SHB: variants seen among roughly 807,000 people sequenced by gnomAD.
SHB encodes SH2 domain containing adaptor protein B, also known as SH2 domain-containing adapter protein B.
Under a neutral mutation model 52.3 loss-of-function variants are expected in SHB, and 20 were observed. The observed-to-expected ratio is 0.38, with a 90% CI of 0.27 to 0.56. The LOEUF is 0.56. Ranked by LOEUF, SHB falls within the 20% of genes least tolerant of loss-of-function variation. The pLI, the probability that SHB is intolerant of heterozygous loss-of-function variation, is 0.71. For missense variants in SHB, 825 were observed against 723.3 expected (o/e 1.14, Z -1.61); for synonymous variants, 397 against 316.5 (o/e 1.25, Z -2.70).
At chr9:37,982,726 T>C (rs1006193019) in intron 2 of SHB, among the ~76,000 whole-genome samples, 5 of 151,608 alleles carry the variant, frequency 3.3e-5, no homozygotes, top group African/African-American at 1.2e-4. Context: ...TTGAACCTGG[T>C]AGGCGGAGGT....
At chr9:37,920,421 T>C (rs1358780151) in intron 5 of SHB, among the ~76,000 whole-genome samples, 5 of 152,230 alleles carry the variant, frequency 3.3e-5, no homozygotes, top group African/African-American at 7.2e-5. Context: ...CCCAATGCCA[T>C]GACAAGTGGG....
intron 2 of SHB, among the ~76,000 whole-genome samples, chr9:37,990,036 C>T (rs1820863689): frequency 6.6e-6 from 1 of 152,170 alleles, no homozygotes; most frequent in African/African-American, 2.4e-5. Flanking sequence ...CCCTGAAAAG[C>T]CGTCCTTAAG....
chr9:37,938,219 G>A (rs1209823332), intron 5 of SHB, among the ~76,000 whole-genome samples: 2 of 152,206 alleles, frequency 1.3e-5, no homozygotes, highest in African/African-American at 2.4e-5. Flanking sequence ...AGGGCTCAGA[G>A]GCTGAGACGG....
chr9:37,975,582 A>G (rs1820644410), intron 2 of SHB, among the ~76,000 whole-genome samples: 1 of 152,230 alleles, frequency 6.6e-6, no homozygotes, highest in African/African-American at 2.4e-5. Flanking sequence ...GGAGGTGTTC[A>G]TTTTGGCTGC....
intron 5 of SHB, among the ~76,000 whole-genome samples, chr9:37,939,505 T>C (rs1018772457): frequency 2.0e-5 from 3 of 152,220 alleles, no homozygotes. Flanking sequence ...GCTGACACTG[T>C]TGGCTCAGAA....
intron 1 of SHB, among the ~76,000 whole-genome samples, chr9:38,045,597 T>C (rs548753415): frequency 5.3e-5 from 8 of 152,050 alleles, no homozygotes; most frequent in African/African-American, 1.4e-4. Flanking sequence ...GACAACAGAG[T>C]GAGACCCTGT....
At chr9:38,061,048 C>A (rs1196021855) in intron 1 of SHB, among the ~76,000 whole-genome samples, 1 of 152,134 alleles carries the variant, frequency 6.6e-6, no homozygotes, top group Non-Finnish European at 1.5e-5. Flanking sequence ...AAATGCACAA[C>A]CTTCTGGGCA....
Position 37,919,857 on chromosome 9 carries a change from C to T in SHB, c.1494G>A (p.Leu498=), listed in dbSNP as rs1251598638. 6.2e-7 allele frequency: 1 copy of T among 1,614,032 alleles called. No individual in the cohort carries two copies. Residue 498 remains leucine, a synonymous_variant, in exon 6 of 6, where the codon TTG becomes TTA. Transcript: ENST00000377707. ...RKLPIKGAEH[L]SLLYPVAVRT... is the part of the protein sequence containing the mutation. ...TCACAGCCACGGGATAGAGGAGGGACAAGTGCTCAGCCCCTTTGATGGGTA... is the reference window on the plus strand; with the variant it reads ...TCACAGCCACGGGATAGAGGAGGGATAAGTGCTCAGCCCCTTTGATGGGTA...
chr9:37,945,038 G>A (rs1832476372), intron 5 of SHB, among the ~76,000 whole-genome samples: 1 of 152,060 alleles, frequency 6.6e-6, no homozygotes, highest in Non-Finnish European at 1.5e-5. Context: ...GGTACGGAGG[G>A]CTCTGAAAAA....
rs576046073 is a variant in SHB at position 38,040,002 on chromosome 9, G to A, written c.718-23871C>T. On this transcript the variant is annotated intron_variant, in intron 1 of 5. Coordinates refer to ENST00000377707, the MANE Select transcript of SHB (RefSeq NM_003028.3). ...TGCATTCTAGAGCTGCGCCCCAGGC[G>A]TGTTTACAGCCGCCTAATTCTTGTG... Among the ~76,000 whole-genome samples the A allele has an allele frequency of 3.3e-5, 5 of 152,380 alleles. No homozygotes were observed. In the South Asian group the frequency reaches 8.3e-4, roughly 25 times the overall value.
At chr9:38,008,030 T>C (rs1249058002) in intron 2 of SHB, among the ~76,000 whole-genome samples, 1 of 152,164 alleles carries the variant, frequency 6.6e-6, no homozygotes, top group Non-Finnish European at 1.5e-5. Flanking sequence ...TAATTTTTCT[T>C]AGTTTGTTTT....
At chr9:38,057,133 T>TC (rs1486815111) in intron 1 of SHB, among the ~76,000 whole-genome samples, 2 of 152,240 alleles carry the variant, frequency 1.3e-5, no homozygotes, top group African/African-American at 4.8e-5. Context: ...ACAAAGATGT[T>TC]CATTACGGCA....
At chr9:38,038,961 G>A (rs142131688) in intron 1 of SHB, among the ~76,000 whole-genome samples, 17 of 152,354 alleles carry the variant, frequency 1.1e-4, no homozygotes, top group African/African-American at 3.8e-4. Context: ...GAAGTGAGGA[G>A]ATGGAAGTTT....
chr9:37,968,508 A>C (rs1564090772), intron 3 of SHB, among the ~76,000 whole-genome samples: 1 of 152,242 alleles, frequency 6.6e-6, no homozygotes, highest in Non-Finnish European at 1.5e-5. Context: ...TATGCTGAGC[A>C]GTATTTGAGT....
At chr9:37,977,082 G>A (rs961620680) in intron 2 of SHB, among the ~76,000 whole-genome samples, 1 of 152,192 alleles carries the variant, frequency 6.6e-6, no homozygotes, top group Non-Finnish European at 1.5e-5. Flanking sequence ...CCTACCAGTT[G>A]GGTGGTAGTA....
At position 38,008,227 on chromosome 9, in the gene SHB, G is replaced by C. The variant is rs192313692; in HGVS notation, c.838+7784C>G. Among the ~76,000 whole-genome samples the C allele has an allele frequency of 1.1e-3, 163 of 152,258 alleles. 1 individual carries two copies. The highest frequency in any genetic ancestry group is 1.9e-3 in the South Asian group (9 of 4,826). ...AACGTGCTCAGTGTCAGGGGTCAAA[G>C]ACAAGAGGGGAGCCGGGGTGAGAGA... On this transcript the variant is annotated intron_variant, in intron 2 of 5. Coordinates refer to ENST00000377707, the MANE Select transcript of SHB (RefSeq NM_003028.3).
At chr9:38,028,060 T>C (rs771980102) in intron 1 of SHB, among the ~76,000 whole-genome samples, 15 of 152,104 alleles carry the variant, frequency 9.9e-5, no homozygotes, top group Non-Finnish European at 1.8e-4. Flanking sequence ...TGCAAATGCA[T>C]TGGAGACTGC....
At chr9:37,928,379 C>G (rs1386836067) in intron 5 of SHB, among the ~76,000 whole-genome samples, 1 of 152,182 alleles carries the variant, frequency 6.6e-6, no homozygotes, top group Non-Finnish European at 1.5e-5. Flanking sequence ...TGATCTCTTC[C>G]TACTGAGGAC....
intron 1 of SHB, among the ~76,000 whole-genome samples, chr9:38,049,509 G>C (rs1415452814): frequency 6.6e-6 from 1 of 151,946 alleles, no homozygotes; most frequent in African/African-American, 2.4e-5. Flanking sequence ...TACTTGGGAG[G>C]CTGAGACAGA....
Sources: gnomAD v4.1 joint callset for allele counts (sites outside exome capture counted in the v4.1 genomes callset) on GRCh38, gnomAD v4.1.1 for gene constraint, MANE v1.5 for transcripts, NCBI Gene and HGNC (gene_info 2026-07-23, HGNC 2026-07-21) for gene names.